The following VPS36 variants were observed in gnomAD, a reference collection of about 807,000 sequenced individuals.
VPS36 encodes vacuolar protein-sorting-associated protein 36.
VPS36 carries 31 observed loss-of-function variants against 63.5 expected under a neutral mutation model. The observed-to-expected ratio is 0.49, with a 90% CI of 0.37 to 0.66. The LOEUF is 0.66. Ranked by LOEUF, VPS36 falls within the 30% of genes least tolerant of loss-of-function variation. The probability of loss-of-function intolerance (pLI) is 0.00; values close to 1 mark genes in which losing one functional copy is unlikely to be tolerated. For missense variants in VPS36, 338 were observed against 463.7 expected (o/e 0.73, Z 2.49); for synonymous variants, 138 against 157.2 (o/e 0.88, Z 0.91).
intron 10 of VPS36, among the ~76,000 whole-genome samples, chr13:52,419,883 G>A (rs1958028812): frequency 6.6e-6 from 1 of 152,154 alleles, no homozygotes; most frequent in African/African-American, 2.4e-5. Context: ...ACTAGAGGGT[G>A]GGAAGAGTAG....
At chr13:52,439,793 CT>C (rs1279091821) in intron 2 of VPS36, among the ~76,000 whole-genome samples, 1 of 152,058 alleles carries the variant, frequency 6.6e-6, no homozygotes, top group Non-Finnish European at 1.5e-5. Context: ...AAACATTTTA[CT>C]CGTAATATTT....
In VPS36 at chr13:52,416,113, G is replaced by GA. The variant is rs777658094; in HGVS notation, c.991-21dup. On this transcript the variant is annotated intron_variant, in intron 12 of 13. Transcript: ENST00000378060. Reference sequence around the variant, plus strand: ...TGAAACCTAATAGAAACACACAGCAGAAAAAAAATGTAATTAATTTAGGAC... The same window carrying GA: ...TGAAACCTAATAGAAACACACAGCAGAAAAAAAAATGTAATTAATTTAGGAC... 8.1e-6 allele frequency: 13 copies of GA among 1,604,066 alleles called. No individual in the cohort carries two copies. The highest frequency in any genetic ancestry group is 4.5e-5 in the South Asian group (4 of 89,126).
chr13:52,438,897 G>A (rs1484425621), intron 3 of VPS36, among the ~76,000 whole-genome samples: 1 of 152,184 alleles, frequency 6.6e-6, no homozygotes, highest in Admixed American at 6.5e-5. Context: ...AAAGCAAAGT[G>A]TCTACGGAAA....
At chr13:52,427,371 C>T (rs1352699187) in intron 6 of VPS36, 152 bp from the exon 7 acceptor site, 8 of 691,124 alleles carry the variant, frequency 1.2e-5, no homozygotes, top group Non-Finnish European at 9.7e-6. Context: ...TCTGGGAGGC[C>T]GAGGCAGGCA....
intron 5 of VPS36, 60 bp from the exon 6 acceptor site, chr13:52,433,808 T>G (rs1450561603): frequency 6.8e-7 from 1 of 1,469,198 alleles, no homozygotes; most frequent in Non-Finnish European, 9.3e-7. Context: ...CAAAATCTTT[T>G]GTAACCAACC....
Position 52,415,654 on chromosome 13 carries a change from G to A in VPS36, c.*176C>T, listed in dbSNP as rs749441132. On this transcript the variant is annotated 3_prime_UTR_variant, in exon 14 of 14. Coordinates refer to ENST00000378060, the MANE Select transcript of VPS36 (RefSeq NM_016075.4). Reference sequence around the variant, plus strand: ...CATTCACTTTTCTGAATTTTCCTATGCGTATACTAAATAAATTTCCTGGAC... The same window carrying A: ...CATTCACTTTTCTGAATTTTCCTATACGTATACTAAATAAATTTCCTGGAC... 9.1e-6 allele frequency: 6 copies of A among 657,216 alleles called. No homozygotes were observed. Among genetic ancestry groups the A allele is most frequent in the Non-Finnish European group, 1.6e-5 (6 of 377,820 alleles). The allele number at this position is 657,216 out of a possible 1,614,324, so 40.7% of individuals were successfully genotyped here.
At chr13:52,424,991 GAA>G (rs751008005) in intron 9 of VPS36, among the ~76,000 whole-genome samples, 1 of 138,718 alleles carries the variant, frequency 7.2e-6, no homozygotes, top group Admixed American at 7.2e-5. Context: ...TCTGTTTCAA[GAA>G]AAAAAAAAAG....
chr13:52,413,655 G>A lies in VPS36; in HGVS notation c.*2175C>T, dbSNP rs921888965. ...TATTGCATTACCATAAAGCTACAAAGAGGCTCATGCTCCTAAGAGCAAAGT... is the reference window on the plus strand; with the variant it reads ...TATTGCATTACCATAAAGCTACAAAAAGGCTCATGCTCCTAAGAGCAAAGT... On this transcript the variant is annotated 3_prime_UTR_variant, in exon 14 of 14. Transcript: ENST00000378060. 3.3e-5 allele frequency: 5 copies of A among 152,320 alleles called. No homozygotes were observed. Among genetic ancestry groups the A allele is most frequent in the Middle Eastern group, 3.2e-3 (1 of 314 alleles). 9.4% of individuals were successfully genotyped at this position (152,320 alleles called of 1,614,324 possible).
At chr13:52,434,928 A>G in intron 4 of VPS36, 46 bp from the exon 5 acceptor site, 1 of 1,505,432 alleles carries the variant, frequency 6.6e-7, no homozygotes, top group African/African-American at 1.4e-5. Context: ...TCAGATTGTA[A>G]CATCCTTGTA....
intron 2 of VPS36, among the ~76,000 whole-genome samples, chr13:52,440,070 C>T (rs1235273035): frequency 1.3e-5 from 2 of 151,870 alleles, no homozygotes; most frequent in Admixed American, 6.6e-5. Context: ...CCTCCACCTC[C>T]CAGGTTCAAG....
chr13:52,424,080 G>A (rs1352177683), intron 9 of VPS36, among the ~76,000 whole-genome samples: 16 of 152,020 alleles, frequency 1.1e-4, no homozygotes, highest in South Asian at 2.1e-4. Flanking sequence ...GGCTGGTCTC[G>A]AACTTCTGAC....
chr13:52,428,219 T>A (rs566020993), intron 6 of VPS36, among the ~76,000 whole-genome samples: 4 of 152,298 alleles, frequency 2.6e-5, no homozygotes, highest in African/African-American at 9.6e-5. Context: ...AATATATTTA[T>A]AATAAATTAT....
rs561546942 is a variant in VPS36, at chr13:52,412,909, A to G, written c.*2921T>C. ...CACATGCATGGAAATTATTAATGCTATAAGAATCTCTTGATATGCAGTTTG... is the reference window on the plus strand; with the variant it reads ...CACATGCATGGAAATTATTAATGCTGTAAGAATCTCTTGATATGCAGTTTG... On this transcript the variant is annotated 3_prime_UTR_variant, in exon 14 of 14. Transcript: ENST00000378060. 2.0e-5 allele frequency: 3 copies of G among 152,648 alleles called. No homozygotes were observed. Among genetic ancestry groups the G allele is most frequent in the Non-Finnish European group, 4.4e-5 (3 of 68,044 alleles). 9.5% of individuals were successfully genotyped at this position (152,648 alleles called of 1,614,324 possible). A position where few individuals can be genotyped will look rare whatever the true frequency, so the allele number is the denominator to read the frequency against.
chr13:52,443,022 C>T (rs1958296766), intron 1 of VPS36, among the ~76,000 whole-genome samples: 1 of 151,932 alleles, frequency 6.6e-6, no homozygotes, highest in Non-Finnish European at 1.5e-5. Context: ...AAAACAAAAT[C>T]CAGGAATAGA....
chr13:52,416,485 G>A (rs2137767829), intron 12 of VPS36, among the ~76,000 whole-genome samples: 1 of 152,312 alleles, frequency 6.6e-6, no homozygotes, highest in South Asian at 2.1e-4. Flanking sequence ...AGAAATATCT[G>A]TAGTCTTGGG....
At chr13:52,442,275 C>T (rs540964280) in intron 2 of VPS36, 102 bp downstream of exon 2, 1 of 1,057,658 alleles carries the variant, frequency 9.5e-7, no homozygotes, top group East Asian at 3.0e-5. Context: ...TCACTTGAGC[C>T]CAGAGGTTAC....
chr13:52,450,590 T>C lies in VPS36; in HGVS notation c.5A>G (p.Asp2Gly), dbSNP rs1263446947. 1.0e-5 allele frequency: 16 copies of C among 1,576,172 alleles called. No individual in the cohort carries two copies. The highest frequency in any genetic ancestry group is 1.2e-5 in the Non-Finnish European group (14 of 1,162,050). ...GAGGCCGCTGGTCCAAACGAAGCGG[T>C]CCATGGCCGCTGCCACCCAGCCCCG... Reference protein sequence around the residue: MDRFVWTSGLLE... With the variant: MGRFVWTSGLLE... The change falls in exon 1 of 14, where the codon GAC (aspartate) becomes GGC (glycine). Residue 2 changes from aspartate (D) to glycine (G), a missense_variant. By Grantham distance (94) the Asp-to-Gly change is moderately conservative. Coordinates refer to ENST00000378060, the MANE Select transcript of VPS36 (RefSeq NM_016075.4).
chr13:52,415,772 C>T lies in VPS36; in HGVS notation c.*58G>A, dbSNP rs1228372052. The T allele has an allele frequency of 1.3e-6, 2 of 1,510,402 alleles. No homozygotes were observed. Among genetic ancestry groups the T allele is most frequent in the Non-Finnish European group, 1.8e-6 (2 of 1,092,458 alleles). 93.6% of individuals were successfully genotyped at this position (1,510,402 alleles called of 1,614,324 possible). A position where few individuals can be genotyped will look rare whatever the true frequency, so the allele number is the denominator to read the frequency against. The stretch of plus-strand genomic sequence containing the variant: ...CGGGGTTTATCTCTTAGCTCAATGT[C>T]ATACAACCTCTACATGACGCAAGCA... On this transcript the variant is annotated 3_prime_UTR_variant, in exon 14 of 14. Transcript: ENST00000378060.
At chr13:52,422,663 G>T (rs1008850596) in intron 10 of VPS36, among the ~76,000 whole-genome samples, 1 of 152,070 alleles carries the variant, frequency 6.6e-6, no homozygotes, top group African/African-American at 2.4e-5. Flanking sequence ...TTTGGCTTTC[G>T]TTGCTGCACT....
Sources: gnomAD v4.1 joint callset for allele counts (sites outside exome capture counted in the v4.1 genomes callset) on GRCh38, gnomAD v4.1.1 for gene constraint, MANE v1.5 for transcripts, NCBI Gene and HGNC (gene_info 2026-07-23, HGNC 2026-07-21) for gene names.